PPP2CA: variants seen among roughly 807,000 people sequenced by gnomAD.
PPP2CA encodes protein phosphatase 2 catalytic subunit alpha.
A neutral mutation model predicts 38.8 loss-of-function variants in PPP2CA; 5 were observed. The ratio of observed to expected loss-of-function variants is 0.13; its 90% CI spans 0.07 to 0.27. PPP2CA has a LOEUF of 0.27. Ranked by LOEUF, PPP2CA falls within the 10% of genes least tolerant of loss-of-function variation. The pLI is 1.00. For missense variants in PPP2CA, 88 were observed against 389.7 expected (o/e 0.23, Z 6.52); for synonymous variants, 152 against 134.0 (o/e 1.13, Z -0.93).
chr5:134,220,119 C>G (rs548193189), intron 1 of PPP2CA, among the ~76,000 whole-genome samples: 1 of 151,956 alleles, frequency 6.6e-6, no homozygotes, highest in East Asian at 1.9e-4. Flanking sequence ...CCTTCTTCAG[C>G]CTGGTCTACC....
Position 134,225,984 on chromosome 5 carries a change from G to T in PPP2CA, c.-123C>A. On this transcript the variant is annotated 5_prime_UTR_variant, in exon 1 of 7. Coordinates refer to ENST00000481195, the MANE Select transcript of PPP2CA (RefSeq NM_002715.4). ...ACTTCTGGCGGCTGTTGAGGCTGGC[G>T]CTGGCCCGCTGGCTCTCACCGCAGT... 1 of 808,790 alleles carries T rather than the reference G, an allele frequency of 1.2e-6. No homozygotes were observed. The highest frequency in any genetic ancestry group is 1.9e-6 in the Non-Finnish European group (1 of 523,440). The allele number at this position is 808,790 out of a possible 1,614,324, so 50.1% of individuals were successfully genotyped here. A position where few individuals can be genotyped will look rare whatever the true frequency, so the allele number is the denominator to read the frequency against.
intron 4 of PPP2CA, 65 bp downstream of exon 4, chr5:134,200,920 T>C (rs1751165901): frequency 1.5e-6 from 2 of 1,298,762 alleles, no homozygotes; most frequent in East Asian, 2.3e-5. Flanking sequence ...CTAATGAACT[T>C]ACAATTAAAC....
At position 134,225,813 on chromosome 5, in the gene PPP2CA, GC is replaced by G. The variant is rs1415949729; in HGVS notation, c.48del (p.Gln16HisfsTer2). On this transcript the variant is annotated frameshift_variant, in exon 1 of 7. Coordinates refer to ENST00000481195, the MANE Select transcript of PPP2CA (RefSeq NM_002715.4). LOFTEE classifies it high-confidence loss of function. Reference sequence around the variant, plus strand: ...TCGGACAGCTGCTTGCACTCGTTCAGCTGCTCGATCCACTGGTCCAGCTCCT... The same window carrying G: ...TCGGACAGCTGCTTGCACTCGTTCAGTGCTCGATCCACTGGTCCAGCTCCT... ...FTKELDQWIE[Q>X]LNECKQLSES... 6.2e-7 allele frequency: 1 copy of G among 1,610,994 alleles called. No homozygotes were observed.
At position 134,199,073 on chromosome 5, in the gene PPP2CA, T is replaced by G. The variant is rs1442240924; in HGVS notation, c.857+13A>C. The G allele has an allele frequency of 3.2e-6, 5 of 1,575,188 alleles. No individual in the cohort carries two copies. The highest frequency in any genetic ancestry group is 1.7e-4 in the Middle Eastern group (1 of 5,988). On this transcript the variant is annotated intron_variant, in intron 6 of 6. Transcript: ENST00000481195. The stretch of plus-strand genomic sequence containing the variant: ...TCAGTAATGCAAGAAAATGTTCAGG[T>G]AGAATTACTTACAAAGAGTATTTTA...
intron 1 of PPP2CA, among the ~76,000 whole-genome samples, chr5:134,214,414 T>C (rs1326217559): frequency 6.6e-6 from 1 of 152,228 alleles, no homozygotes; most frequent in African/African-American, 2.4e-5. Context: ...TTGAATTATT[T>C]CCTTTCAAAA....
At chr5:134,204,051 C>T (rs946029722) in intron 2 of PPP2CA, among the ~76,000 whole-genome samples, 1 of 152,180 alleles carries the variant, frequency 6.6e-6, no homozygotes, top group African/African-American at 2.4e-5. Context: ...ACCATCTAGT[C>T]CAACTCCTTC....
In PPP2CA at chr5:134,197,648, C is replaced by A. The variant is rs1337433289; in HGVS notation, c.*124G>T. 6.6e-6 allele frequency: 5 copies of A among 752,104 alleles called. No individual in the cohort carries two copies. The highest frequency in any genetic ancestry group is 2.7e-5 in the East Asian group (1 of 37,130). The allele number at this position is 752,104 out of a possible 1,614,324, so 46.6% of individuals were successfully genotyped here. ...ATTTTTATATGGCACATCTTTTGGT[C>A]CATGTGAAAACAAGTTTTTTGAATG... is the stretch of plus-strand genomic sequence containing the variant. On this transcript the variant is annotated 3_prime_UTR_variant, in exon 7 of 7. Transcript: ENST00000481195.
intron 1 of PPP2CA, among the ~76,000 whole-genome samples, chr5:134,217,551 T>G (rs540990420): frequency 2.6e-5 from 4 of 152,336 alleles, no homozygotes; most frequent in African/African-American, 7.2e-5. Flanking sequence ...GAATTTCATT[T>G]TGTCTCATAC....
At chr5:134,208,091 A>G (rs1225036898) in intron 1 of PPP2CA, among the ~76,000 whole-genome samples, 2 of 152,218 alleles carry the variant, frequency 1.3e-5, no homozygotes, top group Admixed American at 6.5e-5. Flanking sequence ...GAAACTTGCA[A>G]AAGTTATTCA....
intron 3 of PPP2CA, 116 bp from the exon 4 acceptor site, chr5:134,201,190 C>A (rs1004367746): frequency 1.2e-5 from 9 of 723,592 alleles, no homozygotes; most frequent in African/African-American, 1.1e-4. Flanking sequence ...GGCAGGAGGG[C>A]TGCTTGAGGC....
chr5:134,205,134 T>C (rs758870088), intron 2 of PPP2CA, among the ~76,000 whole-genome samples: 16 of 152,072 alleles, frequency 1.1e-4, no homozygotes, highest in Non-Finnish European at 2.1e-4. Flanking sequence ...GGTCTCACTA[T>C]GTTGCCCAGG....
At position 134,195,982 on chromosome 5, in the gene PPP2CA, A is replaced by G. The variant is rs547733626; in HGVS notation, c.*1790T>C. 2.0e-5 allele frequency: 3 copies of G among 152,358 alleles called. No individual in the cohort carries two copies. The highest frequency in any genetic ancestry group is 2.9e-5 in the Non-Finnish European group (2 of 68,036). The allele number at this position is 152,358 out of a possible 1,614,324, so 9.4% of individuals were successfully genotyped here. A position where few individuals can be genotyped will look rare whatever the true frequency, so the allele number is the denominator to read the frequency against. ...TCTAGATTGTTTGGGTATTAAAACC[A>G]CTGCACATGGATAAGCTATTTGTTC... On this transcript the variant is annotated 3_prime_UTR_variant, in exon 7 of 7. Coordinates refer to ENST00000481195, the MANE Select transcript of PPP2CA (RefSeq NM_002715.4).
rs1233252588 is a variant in PPP2CA at position 134,218,901 on chromosome 5, C to A, written c.102+6859G>T. Among the ~76,000 whole-genome samples, 9 of 152,260 alleles carry A rather than the reference C, an allele frequency of 5.9e-5. No individual in the cohort carries two copies. The East Asian group carries it at 1.5e-3, about 26-fold the overall frequency. On this transcript the variant is annotated intron_variant, in intron 1 of 6. Transcript: ENST00000481195. ...AGCCAGGATGGGCTCCATCTCCTGA[C>A]CTCGTGATCCACCCACCTCAGCCTC...
At chr5:134,204,161 A>G (rs576101640) in intron 2 of PPP2CA, among the ~76,000 whole-genome samples, 18 of 152,374 alleles carry the variant, frequency 1.2e-4, no homozygotes, top group Admixed American at 1.1e-3. Flanking sequence ...CTAAAACCAC[A>G]TCTCACTGCT....
intron 1 of PPP2CA, among the ~76,000 whole-genome samples, chr5:134,220,667 A>G (rs1315544176): frequency 1.3e-5 from 2 of 152,112 alleles, no homozygotes; most frequent in Admixed American, 6.5e-5. Context: ...GTACCCTGAT[A>G]AAAGACCCCA....
rs559629834 is a variant in PPP2CA, at chr5:134,198,020, G to T, written c.858-176C>A. 3.3e-5 allele frequency among the ~76,000 whole-genome samples: 5 copies of T among 152,248 alleles called. No homozygotes were observed. In the East Asian group the frequency reaches 9.6e-4, roughly 29 times the overall value. On this transcript the variant is annotated intron_variant, in intron 6 of 6. Coordinates refer to ENST00000481195, the MANE Select transcript of PPP2CA (RefSeq NM_002715.4). ...ACTGTACTCCCCTTGAAAGAGTCAA[G>T]GCAACTTCAGCCACAGAGACTATGC...
intron 1 of PPP2CA, among the ~76,000 whole-genome samples, chr5:134,225,158 T>C (rs1270399928): frequency 2.0e-5 from 3 of 152,232 alleles, no homozygotes; most frequent in Non-Finnish European, 4.4e-5. Flanking sequence ...ATGACCTTCG[T>C]AAAAATTAGG....
intron 2 of PPP2CA, among the ~76,000 whole-genome samples, chr5:134,205,211 T>A (rs1580640283): frequency 6.6e-6 from 1 of 152,138 alleles, no homozygotes; most frequent in African/African-American, 2.4e-5. Flanking sequence ...GTGCTGGGAT[T>A]ATAGCCACGA....
chr5:134,200,900 G>C (rs528040763), intron 4 of PPP2CA, 85 bp downstream of exon 4: 10 of 1,110,468 alleles, frequency 9.0e-6, no homozygotes, highest in African/African-American at 6.3e-5. Flanking sequence ...AATTATATGA[G>C]AGAATACATC....
Sources: allele counts gnomAD v4.1 joint callset (sites outside exome capture counted in the v4.1 genomes callset), GRCh38; gene constraint gnomAD v4.1.1; transcripts MANE v1.5; gene names NCBI Gene and HGNC (gene_info 2026-07-23, HGNC 2026-07-21).